Variants in CIMIP2C observed in about 807,000 individuals in gnomAD.
CIMIP2C encodes ciliary microtubule inner protein 2C.
At chr2:26,576,302 A>G in the CIMIP2C span, 3 of 1,158,754 alleles carry the variant, frequency 2.6e-6, no homozygotes, top group Non-Finnish European at 3.6e-6. Flanking sequence ...TTCCTTTCTC[A>G]GAGCCCCTGA....
the CIMIP2C span, chr2:26,577,491 C>T: frequency 6.2e-7 from 1 of 1,600,566 alleles, no homozygotes; most frequent in Non-Finnish European, 8.6e-7. Context: ...AACAACCTGT[C>T]ATCTCTTCCT....
At chr2:26,562,629 C>G in the CIMIP2C span, 1 of 1,585,246 alleles carries the variant, frequency 6.3e-7, no homozygotes. Flanking sequence ...TCCCGCAGCG[C>G]GGGCACCCTA....
the CIMIP2C span, among the ~76,000 whole-genome samples, chr2:26,568,581 T>A: frequency 1.8e-4 from 28 of 152,366 alleles, no homozygotes; most frequent in South Asian, 5.6e-3. Flanking sequence ...TGCCACCATT[T>A]GTCAATTCCA....
the CIMIP2C span, chr2:26,579,259 A>G: frequency 1.2e-6 from 2 of 1,604,816 alleles, no homozygotes; most frequent in African/African-American, 2.7e-5. Flanking sequence ...CTTCCCTGGC[A>G]CACTGCATAA....
the CIMIP2C span, chr2:26,579,457 G>C: frequency 6.2e-7 from 1 of 1,609,470 alleles, no homozygotes; most frequent in Non-Finnish European, 8.5e-7. Context: ...GTTCAGAGCA[G>C]AGCCTGATGC....
the CIMIP2C span, among the ~76,000 whole-genome samples, chr2:26,576,966 T>C: frequency 2.0e-5 from 3 of 152,226 alleles, no homozygotes; most frequent in Admixed American, 6.5e-5. Flanking sequence ...TCTAGCCTGA[T>C]TGCAAGGACA....
chr2:26,576,143 C>T, the CIMIP2C span: 1 of 1,614,068 alleles, frequency 6.2e-7, no homozygotes, highest in Non-Finnish European at 8.5e-7. Flanking sequence ...CCTGGACAGC[C>T]ATCGCTCCAC....
chr2:26,578,932 G>C, the CIMIP2C span: 1 of 480,628 alleles, frequency 2.1e-6, no homozygotes, highest in Non-Finnish European at 4.3e-6. Context: ...TAGAACATTT[G>C]TTGTGTGTTT....
chr2:26,571,803 AG>A, the CIMIP2C span, among the ~76,000 whole-genome samples: 2 of 152,200 alleles, frequency 1.3e-5, no homozygotes, highest in African/African-American at 4.8e-5. Flanking sequence ...ATAAAGGACT[AG>A]ATGGAGGAGT....
At chr2:26,576,865 C>A in the CIMIP2C span, among the ~76,000 whole-genome samples, 103 of 152,312 alleles carry the variant, frequency 6.8e-4, no homozygotes, top group African/African-American at 2.5e-3. Context: ...CCTGAGCTGG[C>A]CCTTATGCCC....
the CIMIP2C span, chr2:26,579,197 CT>C: frequency 6.8e-7 from 1 of 1,467,032 alleles, no homozygotes; most frequent in South Asian, 1.2e-5. Context: ...GGCAGGTCAG[CT>C]TGAGCTGGAA....
At chr2:26,570,772 G>A in the CIMIP2C span, among the ~76,000 whole-genome samples, 2 of 152,230 alleles carry the variant, frequency 1.3e-5, no homozygotes, top group Admixed American at 1.3e-4. Flanking sequence ...GATGGCTCTG[G>A]TGCTGTATGG....
chr2:26,566,724 T>C, the CIMIP2C span, among the ~76,000 whole-genome samples: 1 of 152,126 alleles, frequency 6.6e-6, no homozygotes, highest in South Asian at 2.1e-4. Flanking sequence ...TTTTAGTGTG[T>C]TTTTCTTTCC....
At chr2:26,568,758 G>A in the CIMIP2C span, among the ~76,000 whole-genome samples, 8 of 152,206 alleles carry the variant, frequency 5.3e-5, no homozygotes, top group East Asian at 1.9e-4. Flanking sequence ...GGCCAGGTGC[G>A]GTGGCTCACA....
At chr2:26,562,695 G>C in the CIMIP2C span, 33 of 1,561,894 alleles carry the variant, frequency 2.1e-5, no homozygotes, top group Non-Finnish European at 2.8e-5. Context: ...GGGTAAGGCC[G>C]AGGGAGCGCC....
the CIMIP2C span, chr2:26,576,117 G>A: frequency 1.2e-6 from 2 of 1,614,050 alleles, no homozygotes; most frequent in East Asian, 2.2e-5. Flanking sequence ...CACAAGCCCA[G>A]CTACACTCGC....
chr2:26,571,974 A>G, the CIMIP2C span: 1 of 730,576 alleles, frequency 1.4e-6, no homozygotes, highest in East Asian at 3.6e-5. Context: ...AAGAATAAGT[A>G]GATTTGAGAT....
chr2:26,573,293 T>C, the CIMIP2C span, among the ~76,000 whole-genome samples: 1 of 151,568 alleles, frequency 6.6e-6, no homozygotes, highest in Non-Finnish European at 1.5e-5. Flanking sequence ...CCATCTTTAA[T>C]GTCTCCTCTC....
the CIMIP2C span, chr2:26,577,553 C>G: frequency 6.2e-7 from 1 of 1,614,082 alleles, no homozygotes; most frequent in Non-Finnish European, 8.5e-7. Flanking sequence ...CAAGACAAGA[C>G]GGGCACAGTG....
Sources: gnomAD v4.1 joint callset for allele counts (sites outside exome capture counted in the v4.1 genomes callset) on GRCh38, gnomAD v4.1.1 for gene constraint, MANE v1.5 for transcripts, NCBI Gene and HGNC (gene_info 2026-07-23, HGNC 2026-07-21) for gene names.